Variants in DSE observed in about 807,000 individuals in gnomAD.
The protein encoded by DSE is dermatan-sulfate epimerase.
Under a neutral mutation model 84.4 loss-of-function variants are expected in DSE, and 36 were observed. That is an observed-to-expected ratio of 0.43 (90% CI 0.33 to 0.56). DSE has a LOEUF of 0.56. DSE is among the 20% of genes least tolerant of loss of function. The probability of loss-of-function intolerance (pLI) is 0.06; values close to 1 mark genes in which losing one functional copy is unlikely to be tolerated. For missense variants in DSE, 862 were observed against 1,169.6 expected (o/e 0.74, Z 3.84); for synonymous variants, 410 against 430.1 (o/e 0.95, Z 0.58).
At chr6:116,321,798 T>A (rs992389683) in intron 2 of DSE, among the ~76,000 whole-genome samples, 2 of 151,998 alleles carry the variant, frequency 1.3e-5, no homozygotes, top group African/African-American at 4.8e-5. Flanking sequence ...AAACAAATAT[T>A]TACAGTTCTT....
intron 1 of DSE, chr6:116,256,445 A>G (rs1772145421): frequency 6.6e-6 from 1 of 152,268 alleles, no homozygotes; most frequent in African/African-American, 2.4e-5. Flanking sequence ...AAACATAAGA[A>G]TGATACAGTA....
chr6:116,387,979 G>A (rs1438685861), intron 1 of DSE, among the ~76,000 whole-genome samples: 1 of 152,128 alleles, frequency 6.6e-6, no homozygotes, highest in African/African-American at 2.4e-5. Flanking sequence ...TTTCTAATGG[G>A]AATTTGAAAA....
intron 2 of DSE, among the ~76,000 whole-genome samples, chr6:116,265,911 C>A (rs1326911105): frequency 1.3e-5 from 2 of 152,172 alleles, no homozygotes; most frequent in African/African-American, 4.8e-5. Context: ...AGATGGCTTG[C>A]TGCCCCTACC....
intron 1 of DSE, chr6:116,375,496 C>T: frequency 1.0e-6 from 1 of 982,950 alleles, no homozygotes; most frequent in Non-Finnish European, 1.2e-6. Context: ...AGAGCAAGAT[C>T]CTGCCTCAAA....
At chr6:116,268,189 C>G (rs887858499) in intron 2 of DSE, among the ~76,000 whole-genome samples, 2 of 152,128 alleles carry the variant, frequency 1.3e-5, no homozygotes, top group Non-Finnish European at 2.9e-5. Flanking sequence ...TTTATGCCAT[C>G]TTTTTACAGT....
At chr6:116,254,254 G>A (rs1417681251) in exon 1 of DSE, 1 of 689,120 alleles carries the variant, frequency 1.5e-6, no homozygotes, top group East Asian at 2.8e-5. Flanking sequence ...TCTGGAAGGG[G>A]AGTTTTACTT....
At chr6:116,414,641 A>T (rs556042524) in intron 2 of DSE, among the ~76,000 whole-genome samples, 1 of 152,054 alleles carries the variant, frequency 6.6e-6, no homozygotes, top group South Asian at 2.1e-4. Context: ...CGAACTCCCG[A>T]CCTCAGGTGA....
rs748219271 is a variant in DSE at position 116,435,607 on chromosome 6, C to T, written c.1139C>T (p.Ser380Leu). 5.1e-6 allele frequency: 8 copies of T among 1,573,886 alleles called. No individual in the cohort carries two copies. Among genetic ancestry groups the T allele is most frequent in the African/African-American group, 4.1e-5 (3 of 72,854 alleles). ...EFLWYDGSLK[S>L]VPPPDFGTPT... is the part of the protein sequence containing the mutation. ...TTCAGGTATGATGGCAGCTTGAAAT[C>T]GGTTCCTCCTCCAGACTTTGGCACC... Residue 380 changes from serine to leucine, a missense_variant, in exon 6 of 6, where the codon TCG becomes TTG. Around this residue, in one of 4 missense-constraint regions of DSE, gnomAD observed 309 missense variants for 516.9 expected, o/e 0.60. Transcript: ENST00000644252.
At chr6:116,282,917 G>C (rs147345748) in intron 2 of DSE, among the ~76,000 whole-genome samples, 1 of 152,284 alleles carries the variant, frequency 6.6e-6, no homozygotes, top group East Asian at 1.9e-4. Context: ...CGTGCTCAGG[G>C]AGTTATTTTG....
intron 2 of DSE, among the ~76,000 whole-genome samples, chr6:116,409,485 T>C (rs560269044): frequency 2.0e-5 from 3 of 152,244 alleles, no homozygotes; most frequent in Admixed American, 2.0e-4. Flanking sequence ...TTCACCATGT[T>C]AGCCAGGATG....
At chr6:116,351,321 C>T (rs562032327) in intron 2 of DSE, among the ~76,000 whole-genome samples, 17 of 152,236 alleles carry the variant, frequency 1.1e-4, no homozygotes, top group African/African-American at 4.1e-4. Flanking sequence ...GTAACCCTTG[C>T]TGGTACCTGT....
intron 1 of DSE, among the ~76,000 whole-genome samples, chr6:116,373,701 TCTTAA>T (rs1669998810): frequency 6.6e-6 from 1 of 152,236 alleles, no homozygotes; most frequent in South Asian, 2.1e-4. Context: ...GAGATGAAGC[TCTTAA>T]CTTCGCAGAT....
intron 2 of DSE, among the ~76,000 whole-genome samples, chr6:116,264,254 A>T (rs971599165): frequency 3.9e-5 from 6 of 152,162 alleles, no homozygotes; most frequent in African/African-American, 7.2e-5. Flanking sequence ...TGGTCTCTTT[A>T]CATAATCCCA....
chr6:116,381,828 T>G (rs1348372305), intron 1 of DSE, among the ~76,000 whole-genome samples: 1 of 152,084 alleles, frequency 6.6e-6, no homozygotes, highest in African/African-American at 2.4e-5. Flanking sequence ...GCAGACAAGG[T>G]GGCTTAAACA....
chr6:116,263,892 A>G (rs4946147), intron 2 of DSE, among the ~76,000 whole-genome samples: 42,683 of 151,908 alleles, frequency 0.28, 7,188 homozygotes, highest in East Asian at 0.67. Context: ...TTCTGGGTGG[A>G]AAATTCTTTT....
intron 2 of DSE, among the ~76,000 whole-genome samples, chr6:116,365,323 G>A (rs1583097638): frequency 6.6e-6 from 1 of 152,086 alleles, no homozygotes; most frequent in Middle Eastern, 3.4e-3. Context: ...TGGTGCAATC[G>A]GCTCACTGCA....
intron 2 of DSE, among the ~76,000 whole-genome samples, chr6:116,283,703 A>G (rs1488634907): frequency 6.6e-6 from 1 of 151,898 alleles, no homozygotes; most frequent in Non-Finnish European, 1.5e-5. Flanking sequence ...GCCACCACAC[A>G]CGGCTAATTT....
At chr6:116,329,981 G>A (rs1011060579) in intron 2 of DSE, among the ~76,000 whole-genome samples, 1 of 152,006 alleles carries the variant, frequency 6.6e-6, no homozygotes, top group Admixed American at 6.6e-5. Context: ...CTACCATCAC[G>A]CCCAGCTGAT....
At chr6:116,390,897 A>G (rs1225615859) in intron 1 of DSE, among the ~76,000 whole-genome samples, 1 of 152,194 alleles carries the variant, frequency 6.6e-6, no homozygotes, top group Non-Finnish European at 1.5e-5. Context: ...TGAAATGATA[A>G]CCAATCTCTG....
Sources: allele counts gnomAD v4.1 joint callset (sites outside exome capture counted in the v4.1 genomes callset), GRCh38; gene constraint gnomAD v4.1.1; regional missense constraint gnomAD v4.1.1; transcripts MANE v1.5; gene names NCBI Gene and HGNC (gene_info 2026-07-23, HGNC 2026-07-21).